Variants in CCSER1 observed in about 807,000 individuals in gnomAD.
The protein encoded by CCSER1 is coiled-coil serine rich protein 1.
CCSER1 carries 41 observed loss-of-function variants against 82.0 expected under a neutral mutation model. That is an observed-to-expected ratio of 0.50 (90% CI 0.39 to 0.65). The LOEUF is 0.65. Ranked by LOEUF, CCSER1 falls within the 30% of genes least tolerant of loss-of-function variation. The pLI, the probability that CCSER1 is intolerant of heterozygous loss-of-function variation, is 0.00. For missense variants in CCSER1, 1,119 were observed against 1,064.2 expected, an observed-to-expected ratio of 1.05 and a Z score of -0.72; for synonymous variants, 414 against 383.9, an observed-to-expected ratio of 1.08 and a Z score of -0.92.
At chr4:90,364,853 T>A (rs1287200844) in intron 3 of CCSER1, among the ~76,000 whole-genome samples, 1 of 151,880 alleles carries the variant, frequency 6.6e-6, no homozygotes, top group East Asian at 1.9e-4. Context: ...CAAAATAAAA[T>A]TTTGAAAATA....
At chr4:91,104,157 C>T (rs764955020) in intron 10 of CCSER1, among the ~76,000 whole-genome samples, 1 of 152,148 alleles carries the variant, frequency 6.6e-6, no homozygotes, top group African/African-American at 2.4e-5. Flanking sequence ...ACCCTGTTTT[C>T]TGTTGTTTAA....
At chr4:90,307,661 A>G (rs988003517) in intron 1 of CCSER1, among the ~76,000 whole-genome samples, 22 of 151,996 alleles carry the variant, frequency 1.4e-4, no homozygotes, top group Admixed American at 4.6e-4. Flanking sequence ...AAAAAAAAAA[A>G]AGAGAAGAAA....
intron 10 of CCSER1, among the ~76,000 whole-genome samples, chr4:91,162,236 T>A (rs1428946890): frequency 1.3e-5 from 2 of 152,216 alleles, no homozygotes; most frequent in Non-Finnish European, 2.9e-5. Flanking sequence ...ATTATGTTTA[T>A]TGATTTGCAT....
intron 5 of CCSER1, among the ~76,000 whole-genome samples, chr4:90,611,693 C>T (rs1442651788): frequency 6.7e-6 from 1 of 148,538 alleles, no homozygotes; most frequent in East Asian, 1.9e-4. Flanking sequence ...TGTTCATTCA[C>T]TAAATACATA....
chr4:91,197,990 A>G (rs1735589873), intron 10 of CCSER1, among the ~76,000 whole-genome samples: 1 of 152,112 alleles, frequency 6.6e-6, no homozygotes, highest in African/African-American at 2.4e-5. Context: ...TTAAAAATGG[A>G]CGTTAAAGAG....
intron 10 of CCSER1, among the ~76,000 whole-genome samples, chr4:91,099,559 G>A (rs1724848405): frequency 6.6e-6 from 1 of 152,112 alleles, no homozygotes; most frequent in Admixed American, 6.5e-5. Flanking sequence ...CAAGGTAGTT[G>A]GGGCGCAGCT....
intron 10 of CCSER1, among the ~76,000 whole-genome samples, chr4:91,340,941 A>G (rs982559252): frequency 1.2e-4 from 18 of 152,232 alleles, no homozygotes; most frequent in Admixed American, 3.3e-4. Flanking sequence ...TGAGTTAGTC[A>G]GGATCTATTG....
intron 10 of CCSER1, among the ~76,000 whole-genome samples, chr4:91,222,028 C>A (rs1303842184): frequency 6.6e-6 from 1 of 151,482 alleles, no homozygotes; most frequent in Non-Finnish European, 1.5e-5. Context: ...AAAATATGCA[C>A]AATAATGTTG....
intron 10 of CCSER1, among the ~76,000 whole-genome samples, chr4:91,570,071 T>C (rs985648241): frequency 2.0e-5 from 3 of 152,132 alleles, no homozygotes; most frequent in Non-Finnish European, 4.4e-5. Flanking sequence ...CAAAATCCAA[T>C]AGGGTAGTCA....
intron 7 of CCSER1, among the ~76,000 whole-genome samples, chr4:90,772,964 G>T (rs758775196): frequency 6.6e-6 from 1 of 152,160 alleles, no homozygotes; most frequent in African/African-American, 2.4e-5. Context: ...GTAGAGGCCA[G>T]GCATGTTGGC....
chr4:90,172,084 G>A (rs1377167649), intron 1 of CCSER1, among the ~76,000 whole-genome samples: 1 of 151,872 alleles, frequency 6.6e-6, no homozygotes, highest in African/African-American at 2.4e-5. Context: ...TTTTCTCTCT[G>A]GGTGAAAAGG....
intron 10 of CCSER1, among the ~76,000 whole-genome samples, chr4:91,395,400 G>T (rs1578353670): frequency 6.6e-6 from 1 of 152,050 alleles, no homozygotes; most frequent in Admixed American, 6.6e-5. Context: ...GGTAAAGAAG[G>T]AGTGTAAGTT....
chr4:90,946,198 T>C (rs1732219877), intron 9 of CCSER1, among the ~76,000 whole-genome samples: 1 of 152,230 alleles, frequency 6.6e-6, no homozygotes, highest in South Asian at 2.1e-4. Context: ...ATACTTTAAT[T>C]TTAAGTCCTC....
At chr4:90,843,526 T>G (rs1762829377) in intron 8 of CCSER1, among the ~76,000 whole-genome samples, 1 of 152,210 alleles carries the variant, frequency 6.6e-6, no homozygotes, top group African/African-American at 2.4e-5. Flanking sequence ...ATTCTTCAGA[T>G]TAATTTTTTT....
At chr4:91,454,455 C>T (rs1756037816) in intron 10 of CCSER1, among the ~76,000 whole-genome samples, 1 of 152,018 alleles carries the variant, frequency 6.6e-6, no homozygotes, top group Non-Finnish European at 1.5e-5. Context: ...TAAGGACACA[C>T]ACAGATTACA....
At chr4:91,440,261 C>CT (rs1755025446) in intron 10 of CCSER1, among the ~76,000 whole-genome samples, 1 of 152,138 alleles carries the variant, frequency 6.6e-6, no homozygotes, top group African/African-American at 2.4e-5. Context: ...TTAGAACAAA[C>CT]TGTCTCTCAG....
At chr4:90,276,752 C>T (rs1045015610) in intron 1 of CCSER1, among the ~76,000 whole-genome samples, 1 of 152,106 alleles carries the variant, frequency 6.6e-6, no homozygotes, top group African/African-American at 2.4e-5. Flanking sequence ...GAAAAATAGA[C>T]GTCTTGGTTT....
chr4:90,771,164 A>G (rs1752098079), intron 7 of CCSER1, among the ~76,000 whole-genome samples: 1 of 152,112 alleles, frequency 6.6e-6, no homozygotes, highest in Admixed American at 6.5e-5. Flanking sequence ...CACTCTGCGA[A>G]TATTTACATA....
chr4:90,276,970 GA>G (rs1167179525), intron 1 of CCSER1, among the ~76,000 whole-genome samples: 2 of 152,124 alleles, frequency 1.3e-5, no homozygotes, highest in East Asian at 3.9e-4. Context: ...AAACATTACT[GA>G]AGTCATTTTC....
Sources: allele counts gnomAD v4.1 joint callset (sites outside exome capture counted in the v4.1 genomes callset), GRCh38; gene constraint gnomAD v4.1.1; transcripts MANE v1.5; gene names NCBI Gene and HGNC (gene_info 2026-07-23, HGNC 2026-07-21).